EGFLAM: variants seen among roughly 807,000 people sequenced by gnomAD.
EGFLAM encodes the protein EGF like, fibronectin type III and laminin G domains.
In EGFLAM, 79 loss-of-function variants were observed where a neutral mutation model predicts 113.1. The observed-to-expected ratio is 0.70, with a 90% CI of 0.58 to 0.84. The LOEUF (loss-of-function observed/expected upper bound fraction) is 0.84, where lower values mean the gene tolerates loss of function less well. Among genes scored for constraint, EGFLAM ranks in the 40% least tolerant of loss-of-function variants. The pLI, the probability that EGFLAM is intolerant of heterozygous loss-of-function variation, is 0.00. For synonymous variants in EGFLAM, 504 were observed against 487.6 expected, an observed-to-expected ratio of 1.03 and a Z score of -0.44; for missense variants, 1,265 against 1,291.6, an observed-to-expected ratio of 0.98 and a Z score of 0.32.
At position 38,438,468 on chromosome 5, in the gene EGFLAM, G is replaced by C. The variant is rs1280346615; in HGVS notation, c.2464+13G>C. The C allele has an allele frequency of 6.3e-7, 1 of 1,586,858 alleles. No individual in the cohort carries two copies. The highest frequency in any genetic ancestry group is 8.6e-7 in the Non-Finnish European group (1 of 1,163,958). ...CACTGCCAGAAAGGTACGCTCAGGG[G>C]TCTGAGGCACAGCTCCCTGGAGGGA... is the stretch of plus-strand genomic sequence containing the variant. On this transcript the variant is annotated intron_variant, in intron 17 of 21. Coordinates refer to ENST00000322350, the MANE Select transcript of EGFLAM (RefSeq NM_152403.4).
At position 38,424,979 on chromosome 5, in the gene EGFLAM, G is replaced by C; in HGVS notation, c.1697G>C (p.Ser566Thr). ...ATTCTGTATTTAGGGGAATGCAGCA[G>C]TGGAATCTGTGATGAGGCCTCGTGC... Reference protein sequence around the residue: ...LSGADVGECSSGICDEASCIH... With the variant: ...LSGADVGECSTGICDEASCIH... Residue 566 changes from serine to threonine, a missense_variant, in exon 13 of 22, where the codon AGT (serine) becomes ACT (threonine). Physicochemically the swap from Ser to Thr is moderately conservative, Grantham distance 58. Transcript: ENST00000322350. 6.2e-7 allele frequency: 1 copy of C among 1,613,952 alleles called. No homozygotes were observed. Among genetic ancestry groups the C allele is most frequent in the Non-Finnish European group, 8.5e-7 (1 of 1,179,892 alleles).
chr5:38,419,378 G>T (rs762076695), intron 12 of EGFLAM, among the ~76,000 whole-genome samples: 1 of 152,084 alleles, frequency 6.6e-6, no homozygotes, highest in Non-Finnish European at 1.5e-5. Flanking sequence ...ACATCCTCAT[G>T]ACTTTGTCCT....
intron 1 of EGFLAM, among the ~76,000 whole-genome samples, chr5:38,307,666 C>T (rs922216548): frequency 6.6e-6 from 1 of 152,022 alleles, no homozygotes; most frequent in Non-Finnish European, 1.5e-5. Flanking sequence ...CACTTTGTCA[C>T]ACAGCTCTGA....
rs1398974388 is a variant in EGFLAM, at chr5:38,464,730, G to C, written c.*744G>C. On this transcript the variant is annotated 3_prime_UTR_variant, in exon 22 of 22. Transcript: ENST00000322350. ...ACAGTATACTTTTGGAAGTTTGGGTGGATGACTCTGAATTCTTGCACACCT... is the reference window on the plus strand; with the variant it reads ...ACAGTATACTTTTGGAAGTTTGGGTCGATGACTCTGAATTCTTGCACACCT... The C allele has an allele frequency of 6.6e-6, 1 of 152,182 alleles. No individual in the cohort carries two copies. Among genetic ancestry groups the C allele is most frequent in the Non-Finnish European group, 1.5e-5 (1 of 68,050 alleles). 9.4% of individuals were successfully genotyped at this position (152,182 alleles called of 1,614,324 possible). A position where few individuals can be genotyped will look rare whatever the true frequency, so the allele number is the denominator to read the frequency against.
chr5:38,335,522 C>T (rs577505917), intron 1 of EGFLAM, among the ~76,000 whole-genome samples: 1 of 152,208 alleles, frequency 6.6e-6, no homozygotes, highest in African/African-American at 2.4e-5. Flanking sequence ...AGTTTAGAAA[C>T]CAGAAAGGAC....
chr5:38,451,666 A>AT, intron 19 of EGFLAM: 1 of 639,552 alleles, frequency 1.6e-6, no homozygotes, highest in Non-Finnish European at 2.5e-6. Flanking sequence ...CCTGCAGGCC[A>AT]AATCTGACCC....
At chr5:38,411,723 T>C (rs1741486301) in intron 10 of EGFLAM, among the ~76,000 whole-genome samples, 1 of 152,052 alleles carries the variant, frequency 6.6e-6, no homozygotes, top group South Asian at 2.1e-4. Context: ...GCTCAAGTGA[T>C]CCACCTGCCT....
In EGFLAM at chr5:38,370,453, C is replaced by T. The variant is rs760762744; in HGVS notation, c.703C>T (p.Arg235Trp). The change falls in exon 6 of 22, where the codon CGG becomes TGG. Residue 235 changes from arginine to tryptophan, a missense_variant. Transcript: ENST00000322350. ...SPRSWPSDII[R>W]TLCPEEAGSG... is the part of the protein sequence containing the mutation. ...CCGCAGCTGGCCCAGTGACATCATC[C>T]GGACCCTCTGTGAGTACCAGGGTCC... The T allele has an allele frequency of 2.0e-5, 33 of 1,613,966 alleles. No individual in the cohort carries two copies. Among genetic ancestry groups the T allele is most frequent in the South Asian group, 3.3e-5 (3 of 91,052 alleles).
chr5:38,311,677 A>T (rs1371853049), intron 1 of EGFLAM, among the ~76,000 whole-genome samples: 1 of 152,194 alleles, frequency 6.6e-6, no homozygotes, highest in Non-Finnish European at 1.5e-5. Flanking sequence ...AGACATCTAT[A>T]AAACATTGAA....
At chr5:38,306,508 C>T (rs776542827) in intron 1 of EGFLAM, among the ~76,000 whole-genome samples, 3 of 152,154 alleles carry the variant, frequency 2.0e-5, no homozygotes, top group Non-Finnish European at 4.4e-5. Flanking sequence ...ATGTTCAGGG[C>T]CATTTTACTG....
At chr5:38,340,322 T>C (rs1018586928) in intron 3 of EGFLAM, among the ~76,000 whole-genome samples, 1 of 152,216 alleles carries the variant, frequency 6.6e-6, no homozygotes, top group Admixed American at 6.5e-5. Flanking sequence ...ATAATTATTC[T>C]CTTGTGAGGA....
At chr5:38,313,175 T>C (rs1254101949) in intron 1 of EGFLAM, among the ~76,000 whole-genome samples, 2 of 152,186 alleles carry the variant, frequency 1.3e-5, no homozygotes, top group African/African-American at 4.8e-5. Flanking sequence ...ACACAATTAA[T>C]CTTTTCTGAT....
Position 38,429,314 on chromosome 5 carries a change from T to C in EGFLAM, c.2055-1863T>C, listed in dbSNP as rs537913167. Among the ~76,000 whole-genome samples, 106 of 152,398 alleles carry C rather than the reference T, an allele frequency of 7.0e-4. 1 individual carries two copies. Among genetic ancestry groups the C allele is most frequent in the African/African-American group, 2.4e-3 (98 of 41,602 alleles). On this transcript the variant is annotated intron_variant, in intron 14 of 21. Transcript: ENST00000322350. ...TTAAAAAGGGCTGCTTATTTCTTTA[T>C]TGCATATTGATTTAGCCAAGGTGAT...
rs143615226 is a variant in EGFLAM at position 38,396,134 on chromosome 5, A to G, written c.713-9992A>G. 2.5e-3 allele frequency among the ~76,000 whole-genome samples: 373 copies of G among 151,602 alleles called. 2 individuals carry two copies. Among genetic ancestry groups the G allele is most frequent in the African/African-American group, 8.4e-3 (346 of 41,252 alleles). On this transcript the variant is annotated intron_variant, in intron 6 of 21. Transcript: ENST00000322350. ...CCCCAACTACTCATATGAAAACACC[A>G]ATGATCCACATTTTTTCTGAACATA...
intron 1 of EGFLAM, among the ~76,000 whole-genome samples, chr5:38,260,170 A>G (rs921575357): frequency 6.6e-6 from 1 of 152,212 alleles, no homozygotes; most frequent in Non-Finnish European, 1.5e-5. Flanking sequence ...GCACGCACAC[A>G]TACATATACC....
chr5:38,296,715 AT>A (rs1162383164), intron 1 of EGFLAM, among the ~76,000 whole-genome samples: 1 of 151,400 alleles, frequency 6.6e-6, no homozygotes, highest in Non-Finnish European at 1.5e-5. Flanking sequence ...TAATATATGC[AT>A]TTTTACATAC....
At chr5:38,285,924 G>A (rs1275341742) in intron 1 of EGFLAM, 1 of 152,150 alleles carries the variant, frequency 6.6e-6, no homozygotes, top group East Asian at 1.9e-4. Flanking sequence ...TTCGAGATGA[G>A]ATCTGGATGT....
rs6897179 is a variant in EGFLAM, at chr5:38,425,008, C to A, written c.1726C>A (p.His576Asn). 66,219 of 1,613,804 alleles carry A rather than the reference C, an allele frequency of 0.041. 4,416 individuals carry two copies. The highest frequency in any genetic ancestry group is 0.31 in the African/African-American group (22,980 of 74,856). Residue 576 changes from histidine (H) to asparagine (N), a missense_variant, in exon 13 of 22, where the codon CAT becomes AAT. Coordinates refer to ENST00000322350, the MANE Select transcript of EGFLAM (RefSeq NM_152403.4). ...SGICDEASCI[H>N]GGTCTAIKAD... The stretch of plus-strand genomic sequence containing the variant: ...AATCTGTGATGAGGCCTCGTGCATC[C>A]ATGGTGGCACCTGCACAGCAATCAA...
In EGFLAM at chr5:38,464,936, C is replaced by T. The variant is rs767874471; in HGVS notation, c.*950C>T. The T allele has an allele frequency of 3.3e-5, 5 of 152,080 alleles. No individual in the cohort carries two copies. The highest frequency in any genetic ancestry group is 1.2e-4 in the African/African-American group (5 of 41,390). The allele number at this position is 152,080 out of a possible 1,614,324, so 9.4% of individuals were successfully genotyped here. On this transcript the variant is annotated 3_prime_UTR_variant, in exon 22 of 22. Transcript: ENST00000322350. ...GCAGATTAAAAGGAACATGTGTTAC[C>T]GAGGTAGGTCACTGTCATTTTTGTT... is the stretch of plus-strand genomic sequence containing the variant.
Sources: allele counts gnomAD v4.1 joint callset (sites outside exome capture counted in the v4.1 genomes callset), GRCh38; gene constraint gnomAD v4.1.1; transcripts MANE v1.5; gene names NCBI Gene and HGNC (gene_info 2026-07-23, HGNC 2026-07-21).